The following LETM1 variants were observed in gnomAD, a reference collection of about 807,000 sequenced individuals.
The protein encoded by LETM1 is mitochondrial proton/calcium exchanger protein.
LETM1 carries 50 observed loss-of-function variants against 74.5 expected under a neutral mutation model. That is an observed-to-expected ratio of 0.67 (90% confidence interval 0.53 to 0.85). The LOEUF is 0.85. Ranked by LOEUF, LETM1 falls within the 40% of genes least tolerant of loss-of-function variation. The pLI is 0.00. For missense variants in LETM1, 824 were observed against 967.8 expected (o/e 0.85, Z 1.97); for synonymous variants, 446 against 407.1 (o/e 1.10, Z -1.15).
At chr4:1,852,777 T>C (rs752784324) in intron 1 of LETM1, among the ~76,000 whole-genome samples, 2 of 152,132 alleles carry the variant, frequency 1.3e-5, no homozygotes, top group Non-Finnish European at 2.9e-5. Flanking sequence ...GGAGGATCGC[T>C]TGGAGGCTGT....
At chr4:1,852,852 A>G (rs1713111731) in intron 1 of LETM1, among the ~76,000 whole-genome samples, 2 of 152,130 alleles carry the variant, frequency 1.3e-5, no homozygotes, top group South Asian at 4.1e-4. Flanking sequence ...GTCTCAAAAT[A>G]CAAACAAATG....
At position 1,839,459 on chromosome 4, in the gene LETM1, T is replaced by G. The variant is rs911520756; in HGVS notation, c.594+1888A>C. ...ATCAAGAGGGTGAAGGCATCGAGAG[T>G]GGGTGGAGCTGTGTGCTGAAAACTG... On this transcript the variant is annotated intron_variant, in intron 3 of 13. Coordinates refer to ENST00000302787, the MANE Select transcript of LETM1 (RefSeq NM_012318.3). 156 of 151,646 alleles carry G rather than the reference T, an allele frequency of 1.0e-3. 1 individual carries two copies. The highest frequency in any genetic ancestry group is 3.1e-4 in the Non-Finnish European group (21 of 67,924). 9.4% of individuals were successfully genotyped at this position (151,646 alleles called of 1,614,324 possible).
In LETM1 at chr4:1,823,120, T is replaced by A. The variant is rs959144594; in HGVS notation, c.1344A>T (p.Ala448=). ...CCTCCACCTCGGCCACTTTCACCTG[T>A]GCTTCCTTTGCCTTCAGAAGAGGGT... is the stretch of plus-strand genomic sequence containing the variant. The part of the protein sequence containing the change: ...QTLPEIVAKE[A]QVKVAEVEGE... The change falls in exon 9 of 14, where the codon GCA becomes GCT. Residue 448 remains alanine, a synonymous_variant. Transcript: ENST00000302787. 3 of 1,594,864 alleles carry A rather than the reference T, an allele frequency of 1.9e-6. No homozygotes were observed. In the African/African-American group the frequency reaches 4.1e-5, roughly 22 times the overall value.
chr4:1,839,546 C>T (rs1395101434), intron 3 of LETM1, among the ~76,000 whole-genome samples: 3 of 152,202 alleles, frequency 2.0e-5, no homozygotes, highest in Admixed American at 6.5e-5. Flanking sequence ...TGGCGAGGTG[C>T]GCCTTTCCAT....
rs546759026 is a variant in LETM1 at position 1,854,597 on chromosome 4, C to A, written c.82+1272G>T. Among the ~76,000 whole-genome samples the A allele has an allele frequency of 2.0e-5, 3 of 151,986 alleles. No individual in the cohort carries two copies. In the South Asian group the frequency reaches 6.2e-4, roughly 32 times the overall value. On this transcript the variant is annotated intron_variant, in intron 1 of 13. Transcript: ENST00000302787. ...TCACCTGAGGTCAGGAGTTCGAGAC[C>A]CGCCTGGCCAAGACGGAGAAAACAG...
chr4:1,817,247 A>C (rs1711599945), intron 11 of LETM1, among the ~76,000 whole-genome samples: 5 of 5,398 alleles, frequency 9.3e-4, no homozygotes, highest in Admixed American at 2.4e-3. Context: ...TCTGTCTCCA[A>C]AAAAAAAAAA....
intron 5 of LETM1, chr4:1,833,537 C>A (rs750452636): frequency 6.2e-6 from 1 of 161,092 alleles, no homozygotes; most frequent in African/African-American, 2.4e-5. Context: ...GGAAGAGGTG[C>A]ACCTGTGTGC....
At chr4:1,839,883 C>T (rs1394363761) in intron 3 of LETM1, among the ~76,000 whole-genome samples, 2 of 152,210 alleles carry the variant, frequency 1.3e-5, no homozygotes, top group Admixed American at 6.5e-5. Context: ...CTTCCCCGTA[C>T]ATACCTTGCC....
At chr4:1,842,565 A>G (rs1712740515) in intron 2 of LETM1, among the ~76,000 whole-genome samples, 1 of 152,198 alleles carries the variant, frequency 6.6e-6, no homozygotes, top group Non-Finnish European at 1.5e-5. Context: ...TGGCCGTCTT[A>G]GAGACCAGGT....
chr4:1,822,942 TG>T (rs760404841), intron 9 of LETM1, 45 bp downstream of exon 9: 2 of 1,346,682 alleles, frequency 1.5e-6, no homozygotes, highest in South Asian at 4.4e-5. Flanking sequence ...CTAGGGAGGC[TG>T]GCTCAGGACA....
rs1722509927 is a variant in LETM1, at chr4:1,812,909, G to A, written c.*1515C>T. 1 of 152,458 alleles carries A rather than the reference G, an allele frequency of 6.6e-6. No homozygotes were observed. The highest frequency in any genetic ancestry group is 2.1e-4 in the South Asian group (1 of 4,834). The allele number at this position is 152,458 out of a possible 1,614,324, so 9.4% of individuals were successfully genotyped here. On this transcript the variant is annotated 3_prime_UTR_variant, in exon 14 of 14. Transcript: ENST00000302787. ...CAAGGCAGTGAGGACGAGGATGAGAGCCGGGGCAGCTGACTGGGCCCGCGA... is the reference window on the plus strand; with the variant it reads ...CAAGGCAGTGAGGACGAGGATGAGAACCGGGGCAGCTGACTGGGCCCGCGA...
At chr4:1,849,276 T>C in intron 1 of LETM1, 67 bp from the exon 2 acceptor site, 1 of 1,212,104 alleles carries the variant, frequency 8.3e-7, no homozygotes, top group Non-Finnish European at 1.2e-6. Context: ...CCTTTTTTTG[T>C]TGTTGGTTTT....
chr4:1,819,225 T>C, intron 11 of LETM1, 113 bp downstream of exon 11: 2 of 1,132,314 alleles, frequency 1.8e-6, no homozygotes, highest in Non-Finnish European at 2.5e-6. Flanking sequence ...CTCCAAATAC[T>C]CTTTGGCCAG....
At chr4:1,842,790 T>C (rs1577324657) in intron 2 of LETM1, among the ~76,000 whole-genome samples, 1 of 152,222 alleles carries the variant, frequency 6.6e-6, no homozygotes, top group African/African-American at 2.4e-5. Flanking sequence ...TTCTGCAGCA[T>C]AGACCATGCC....
Position 1,834,993 on chromosome 4 carries a change from A to C in LETM1, c.739-11T>G. On this transcript the variant is annotated splice_polypyrimidine_tract_variant and intron_variant, in intron 4 of 13. Transcript: ENST00000302787. This position sits in a 1 kb window ranked among gnomAD's most constrained non-coding sequence, Gnocchi z 5.0. ...CTTCAGCCTCTCCTCCTGCAAGGGC[A>C]GAGAGGGCACTGCATTCCAACTGCT... 1 of 1,613,170 alleles carries C rather than the reference A, an allele frequency of 6.2e-7. No individual in the cohort carries two copies. The highest frequency in any genetic ancestry group is 8.5e-7 in the Non-Finnish European group (1 of 1,179,538).
At chr4:1,815,177 C>T (rs541476955) in intron 13 of LETM1, among the ~76,000 whole-genome samples, 137 of 152,324 alleles carry the variant, frequency 9.0e-4, no homozygotes, top group African/African-American at 3.0e-3. Flanking sequence ...CGGGGCTACC[C>T]TGGAACCTGA....
At chr4:1,821,183 C>G (rs899812972) in intron 10 of LETM1, among the ~76,000 whole-genome samples, 1 of 150,090 alleles carries the variant, frequency 6.7e-6, no homozygotes, top group African/African-American at 2.4e-5. Context: ...AGCTCTGCCT[C>G]CCAGGTTCAC....
In LETM1 at chr4:1,836,822, G is replaced by T. The variant is rs1435867346; in HGVS notation, c.595-250C>A. Among the ~76,000 whole-genome samples, 1 of 152,066 alleles carries T rather than the reference G, an allele frequency of 6.6e-6. No homozygotes were observed. The highest frequency in any genetic ancestry group is 2.4e-5 in the African/African-American group (1 of 41,404). On this transcript the variant is annotated intron_variant, in intron 3 of 13. Coordinates refer to ENST00000302787, the MANE Select transcript of LETM1 (RefSeq NM_012318.3). The surrounding 1 kb of genome is among the most constrained non-coding windows in gnomAD (Gnocchi z 5.8). Reference sequence around the variant, plus strand: ...ATGGTGCTGACACCAAGGGCCACTGGGTGCTCCCAGCGATCGAGTCCTCCG... The same window carrying T: ...ATGGTGCTGACACCAAGGGCCACTGTGTGCTCCCAGCGATCGAGTCCTCCG...
chr4:1,835,244 A>T (rs1455524463), intron 4 of LETM1, among the ~76,000 whole-genome samples: 2 of 152,194 alleles, frequency 1.3e-5, no homozygotes, highest in African/African-American at 2.4e-5. Flanking sequence ...CAGGAGTTTG[A>T]GACCAGCCTG....
Sources: allele counts gnomAD v4.1 joint callset (sites outside exome capture counted in the v4.1 genomes callset), GRCh38; gene constraint gnomAD v4.1.1; non-coding constraint Gnocchi (gnomAD v3.1); transcripts MANE v1.5; gene names NCBI Gene and HGNC (gene_info 2026-07-23, HGNC 2026-07-21).